ARID1B: variants seen among roughly 807,000 people sequenced by gnomAD.
ARID1B encodes the protein AT-rich interaction domain 1B, also known as AT-rich interactive domain-containing protein 1B.
ARID1B carries 30 observed loss-of-function variants against 212.3 expected under a neutral mutation model. The observed-to-expected ratio is 0.14, with a 90% CI of 0.11 to 0.19. ARID1B has a LOEUF of 0.19. Among genes scored for constraint, ARID1B ranks in the 10% least tolerant of loss-of-function variants. The pLI is 1.00. For synonymous variants in ARID1B, 1,402 were observed against 1,301.7 expected (o/e 1.08, Z -1.66); for missense variants, 2,891 against 3,204.0 (o/e 0.90, Z 2.36).
intron 4 of ARID1B, among the ~76,000 whole-genome samples, chr6:157,003,638 ACTT>A (rs1366582221): frequency 6.6e-6 from 1 of 152,242 alleles, no homozygotes; most frequent in Non-Finnish European, 1.5e-5. Flanking sequence ...GGAATGGACT[ACTT>A]ACAGTGAAGT....
chr6:156,832,047 GA>G (rs1783179159), intron 2 of ARID1B, among the ~76,000 whole-genome samples: 1 of 152,102 alleles, frequency 6.6e-6, no homozygotes, highest in Non-Finnish European at 1.5e-5. Context: ...AAAAATAACA[GA>G]ATGCACTTTT....
chr6:157,205,911 C>T (rs569339104), intron 19 of ARID1B: 4 of 469,100 alleles, frequency 8.5e-6, no homozygotes, highest in African/African-American at 1.9e-5. Context: ...AGTAAGTTTT[C>T]GTGTAGATAG....
chr6:157,165,563 A>C (rs1791269312), intron 8 of ARID1B, among the ~76,000 whole-genome samples: 1 of 152,216 alleles, frequency 6.6e-6, no homozygotes, highest in Non-Finnish European at 1.5e-5. Flanking sequence ...TTAAAAAAAA[A>C]AATGATTTAT....
chr6:156,889,739 G>A (rs1215587092), intron 2 of ARID1B, among the ~76,000 whole-genome samples: 2 of 152,192 alleles, frequency 1.3e-5, no homozygotes, highest in Non-Finnish European at 2.9e-5. Context: ...CAGGGTGAAA[G>A]CAGTTTAGAT....
intron 2 of ARID1B, among the ~76,000 whole-genome samples, chr6:156,899,918 G>C (rs1162323972): frequency 6.6e-6 from 1 of 152,216 alleles, no homozygotes; most frequent in East Asian, 1.9e-4. Flanking sequence ...AAAGATGCTT[G>C]TGTGAAATAT....
At position 157,210,047 on chromosome 6, in the gene ARID1B, A is replaced by T. The variant is rs569676185; in HGVS notation, c.*2156A>T. 30 of 233,116 alleles carry T rather than the reference A, an allele frequency of 1.3e-4. No homozygotes were observed. The highest frequency in any genetic ancestry group is 1.6e-4 in the Non-Finnish European group (19 of 117,964). 14.4% of individuals were successfully genotyped at this position (233,116 alleles called of 1,614,324 possible). A position where few individuals can be genotyped will look rare whatever the true frequency, so the allele number is the denominator to read the frequency against. On this transcript the variant is annotated 3_prime_UTR_variant, in exon 20 of 20. Coordinates refer to ENST00000636930, the MANE Select transcript of ARID1B (RefSeq NM_001374828.1). Reference sequence around the variant, plus strand: ...ATATATGGAAGAGTTAGACAAGAACATGCAGTTACAGTCATTGTGAGACGT... The same window carrying T: ...ATATATGGAAGAGTTAGACAAGAACTTGCAGTTACAGTCATTGTGAGACGT...
intron 3 of ARID1B, among the ~76,000 whole-genome samples, chr6:156,927,650 C>T (rs188909324): frequency 2.0e-5 from 3 of 152,240 alleles, no homozygotes; most frequent in Admixed American, 2.0e-4. Flanking sequence ...TTCTGTAGCA[C>T]ATTTACCAGG....
intron 4 of ARID1B, among the ~76,000 whole-genome samples, chr6:156,971,342 T>C (rs1363785009): frequency 1.3e-5 from 2 of 152,250 alleles, no homozygotes; most frequent in Non-Finnish European, 2.9e-5. Context: ...TAGTCCCATG[T>C]TCTTCAGCCT....
At chr6:156,989,345 G>T (rs1244280459) in intron 4 of ARID1B, among the ~76,000 whole-genome samples, 1 of 152,140 alleles carries the variant, frequency 6.6e-6, no homozygotes, top group East Asian at 1.9e-4. Context: ...GGTGAAGTAG[G>T]ATTATATCTT....
intron 1 of ARID1B, among the ~76,000 whole-genome samples, chr6:156,797,584 C>G (rs887916635): frequency 5.3e-5 from 8 of 152,170 alleles, no homozygotes; most frequent in African/African-American, 1.9e-4. Context: ...TGACCTGACT[C>G]TATGGGAAGG....
At chr6:156,932,146 G>GGT (rs1491564183) in intron 3 of ARID1B, among the ~76,000 whole-genome samples, 1 of 73,666 alleles carries the variant, frequency 1.4e-5, no homozygotes, top group African/African-American at 9.9e-5. Context: ...AAAAAAAAAA[G>GGT]GGGGGGGGCG....
rs913282562 is a variant in ARID1B at position 156,806,879 on chromosome 6, A to T, written c.1792-22348A>T. Among the ~76,000 whole-genome samples the T allele has an allele frequency of 5.9e-5, 9 of 152,374 alleles. No homozygotes were observed. In the East Asian group the frequency reaches 1.5e-3, roughly 26 times the overall value. On this transcript the variant is annotated intron_variant, in intron 1 of 19. Coordinates refer to ENST00000636930, the MANE Select transcript of ARID1B (RefSeq NM_001374828.1). Reference sequence around the variant, plus strand: ...TGAGGCAGTGCTGAAGTGTCCATAGACAATCCGTAAATGAACGTGGGAGGA... The same window carrying T: ...TGAGGCAGTGCTGAAGTGTCCATAGTCAATCCGTAAATGAACGTGGGAGGA...
At chr6:157,174,739 T>TATAA (rs1791978859) in intron 10 of ARID1B, 108 bp from the exon 11 acceptor site, 1 of 293,450 alleles carries the variant, frequency 3.4e-6, no homozygotes, top group African/African-American at 2.3e-5. Flanking sequence ...TATATATATA[T>TATAA]AATATATATA....
chr6:157,013,930 A>C (rs1158655156), intron 4 of ARID1B, among the ~76,000 whole-genome samples: 2 of 152,210 alleles, frequency 1.3e-5, no homozygotes, highest in Non-Finnish European at 2.9e-5. Context: ...GACTTTGTAC[A>C]TTGCTAATGC....
intron 7 of ARID1B, among the ~76,000 whole-genome samples, chr6:157,140,402 G>A (rs543045986): frequency 7.7e-4 from 117 of 151,046 alleles, no homozygotes; most frequent in African/African-American, 2.7e-3. Flanking sequence ...CCCGGGAGGC[G>A]GAGGTTGCAG....
chr6:157,138,634 G>C (rs1478114223), intron 7 of ARID1B, among the ~76,000 whole-genome samples: 1 of 152,166 alleles, frequency 6.6e-6, no homozygotes. Flanking sequence ...TCCCCTGGAT[G>C]GTGATGCAGA....
At chr6:156,850,938 C>T (rs1473946005) in intron 2 of ARID1B, among the ~76,000 whole-genome samples, 2 of 152,200 alleles carry the variant, frequency 1.3e-5, no homozygotes, top group African/African-American at 4.8e-5. Context: ...TTTCCACTCA[C>T]AGATAACAAG....
At chr6:156,978,200 C>A (rs1183989503) in intron 4 of ARID1B, among the ~76,000 whole-genome samples, 2 of 152,186 alleles carry the variant, frequency 1.3e-5, no homozygotes, top group Non-Finnish European at 2.9e-5. Flanking sequence ...CTCTGATTCC[C>A]AGCTCCATTT....
At chr6:157,011,578 GT>G (rs781283679) in intron 4 of ARID1B, among the ~76,000 whole-genome samples, 1 of 152,150 alleles carries the variant, frequency 6.6e-6, no homozygotes, top group Non-Finnish European at 1.5e-5. Flanking sequence ...TCCTTAGAAA[GT>G]TATGTTTTTA....
Sources: gnomAD v4.1 joint callset for allele counts (sites outside exome capture counted in the v4.1 genomes callset) on GRCh38, gnomAD v4.1.1 for gene constraint, MANE v1.5 for transcripts, NCBI Gene and HGNC (gene_info 2026-07-23, HGNC 2026-07-21) for gene names.